The following SCN9A variants were observed in gnomAD, a reference collection of about 807,000 sequenced individuals.
SCN9A encodes the protein sodium channel protein type 9 subunit alpha.
SCN9A carries 131 observed loss-of-function variants against 187.0 expected under a neutral mutation model. The observed-to-expected ratio is 0.70, with a 90% CI of 0.61 to 0.81. The LOEUF (loss-of-function observed/expected upper bound fraction) is 0.81. Ranked by LOEUF, SCN9A falls within the 30% of genes least tolerant of loss-of-function variation. SCN9A has a pLI of 0.00. For synonymous variants in SCN9A, 809 were observed against 808.6 expected (o/e 1.00, Z -0.01); for missense variants, 2,252 against 2,396.6 (o/e 0.94, Z 1.26).
chr2:166,258,158 C>A (rs1248108394), intron 17 of SCN9A, among the ~76,000 whole-genome samples: 1 of 151,336 alleles, frequency 6.6e-6, no homozygotes, highest in Non-Finnish European at 1.5e-5. Context: ...GAGATTCCTG[C>A]CCCCATCCTA....
At position 166,281,826 on chromosome 2, in the gene SCN9A, T is replaced by G; in HGVS notation, c.1975-18A>C. 1 of 1,599,704 alleles carries G rather than the reference T, an allele frequency of 6.3e-7. No individual in the cohort carries two copies. The highest frequency in any genetic ancestry group is 8.5e-7 in the Non-Finnish European group (1 of 1,173,458). On this transcript the variant is annotated intron_variant, in intron 12 of 26. Coordinates refer to ENST00000642356, the MANE Select transcript of SCN9A (RefSeq NM_001365536.1). Reference sequence around the variant, plus strand: ...GTCGTGCCCTAAAAAAAAAATCAATTAATGTCTTAAGAACAGAATCCTAAT... The same window carrying G: ...GTCGTGCCCTAAAAAAAAAATCAATGAATGTCTTAAGAACAGAATCCTAAT...
chr2:166,349,504 C>T (rs1699982306), intron 1 of SCN9A, among the ~76,000 whole-genome samples: 1 of 152,256 alleles, frequency 6.6e-6, no homozygotes, highest in East Asian at 1.9e-4. Context: ...CTACTGTGTA[C>T]TTCCACTTCA....
intron 7 of SCN9A, among the ~76,000 whole-genome samples, chr2:166,296,934 A>G (rs927042961): frequency 6.6e-6 from 1 of 152,156 alleles, no homozygotes; most frequent in Non-Finnish European, 1.5e-5. Context: ...GCAGTGGCTC[A>G]CGCCTGTAAT....
intron 7 of SCN9A, 161 bp downstream of exon 7, chr2:166,302,929 T>A (rs938007943): frequency 1.0e-5 from 6 of 599,414 alleles, no homozygotes; most frequent in Non-Finnish European, 1.7e-5. Context: ...GGATGATTTA[T>A]GAAAATCATA....
At chr2:166,225,424 G>C (rs1367582874) in intron 24 of SCN9A, among the ~76,000 whole-genome samples, 2 of 152,092 alleles carry the variant, frequency 1.3e-5, no homozygotes, top group Non-Finnish European at 2.9e-5. Flanking sequence ...TTTGGGGATA[G>C]AGCATAGTAG....
At chr2:166,353,091 A>G (rs1306550361) in intron 1 of SCN9A, among the ~76,000 whole-genome samples, 1 of 151,524 alleles carries the variant, frequency 6.6e-6, no homozygotes, top group Non-Finnish European at 1.5e-5. Context: ...GTGGTGGCTA[A>G]TGTCTGTAAT....
intron 1 of SCN9A, among the ~76,000 whole-genome samples, chr2:166,346,504 A>C (rs745660727): frequency 5.9e-5 from 9 of 152,174 alleles, no homozygotes; most frequent in Non-Finnish European, 1.2e-4. Context: ...GAGCCGTCAA[A>C]GACACACAGA....
At chr2:166,243,811 G>A (rs1310599026) in intron 18 of SCN9A, among the ~76,000 whole-genome samples, 1 of 152,016 alleles carries the variant, frequency 6.6e-6, no homozygotes, top group Non-Finnish European at 1.5e-5. Flanking sequence ...AAATTGCAAT[G>A]TAAATAGATG....
chr2:166,296,008 T>C (rs1441235436), intron 7 of SCN9A: 1 of 152,192 alleles, frequency 6.6e-6, no homozygotes, highest in Admixed American at 6.5e-5. Context: ...GAACCTGACT[T>C]CCTATTTTAC....
chr2:166,244,021 T>G (rs1416096494), intron 18 of SCN9A, among the ~76,000 whole-genome samples: 2 of 151,972 alleles, frequency 1.3e-5, no homozygotes, highest in Admixed American at 6.6e-5. Context: ...TGATTGGATA[T>G]CAAATGTAAG....
chr2:166,282,839 T>C (rs908212897), intron 12 of SCN9A, among the ~76,000 whole-genome samples: 6 of 152,240 alleles, frequency 3.9e-5, no homozygotes, highest in Non-Finnish European at 7.4e-5. Context: ...GTCAACTTTT[T>C]GAAAAGTCTC....
intron 26 of SCN9A, 91 bp from the exon 27 acceptor site, chr2:166,199,955 T>C: frequency 1.6e-6 from 1 of 638,264 alleles, no homozygotes; most frequent in Non-Finnish European, 2.7e-6. Flanking sequence ...TGTCAACTCA[T>C]TTCTTATGAA....
At chr2:166,273,369 A>G (rs1402427620) in intron 16 of SCN9A, among the ~76,000 whole-genome samples, 4 of 152,194 alleles carry the variant, frequency 2.6e-5, no homozygotes, top group Non-Finnish European at 5.9e-5. Context: ...TGTTCTAACA[A>G]ATGGAACACA....
intron 7 of SCN9A, chr2:166,301,312 G>A (rs560764148): frequency 6.6e-6 from 1 of 150,850 alleles, no homozygotes; most frequent in South Asian, 2.1e-4. Flanking sequence ...AATCACAGCA[G>A]CTGAGCTTCA....
intron 24 of SCN9A, among the ~76,000 whole-genome samples, chr2:166,210,324 G>A (rs1046609609): frequency 6.6e-6 from 1 of 151,840 alleles, no homozygotes; most frequent in South Asian, 2.1e-4. Flanking sequence ...GGGGAGGAGG[G>A]GGATATACCT....
chr2:166,309,217 A>G (rs1316931470), intron 2 of SCN9A, among the ~76,000 whole-genome samples: 1 of 152,142 alleles, frequency 6.6e-6, no homozygotes, highest in Non-Finnish European at 1.5e-5. Flanking sequence ...AAAAATCACA[A>G]CATACTACAT....
At position 166,238,028 on chromosome 2, in the gene SCN9A, T is replaced by C. The variant is rs865906179; in HGVS notation, c.3801+66A>G. The stretch of plus-strand genomic sequence containing the variant: ...AAAATATGATAATATGCAATAGTGG[T>C]GAAGGTTTTTTCACAACACACAGTA... On this transcript the variant is annotated intron_variant, in intron 20 of 26. Transcript: ENST00000642356. 2.5e-5 allele frequency: 29 copies of C among 1,151,240 alleles called. No homozygotes were observed. The Middle Eastern group carries it at 8.4e-4, about 33-fold the overall frequency. The allele number at this position is 1,151,240 out of a possible 1,614,324, so 71.3% of individuals were successfully genotyped here. A position where few individuals can be genotyped will look rare whatever the true frequency, so the allele number is the denominator to read the frequency against.
chr2:166,277,295 C>T lies in SCN9A; in HGVS notation c.2562G>A (p.Met854Ile), dbSNP rs1559003142. The stretch of plus-strand genomic sequence containing the variant: ...CTGAGTTACCAATGATCTTAATCAG[C>T]ATGTTCAATGTTGGCCAGGATTTTG... ...KLAKSWPTLN[M>I]LIKIIGNSVG... The change falls in exon 16 of 27, where the codon ATG becomes ATA. Residue 854 changes from methionine to isoleucine, a missense_variant. This residue lies in a region of SCN9A where 119 missense variants were observed against 188.7 expected (regional missense o/e 0.63). Transcript: ENST00000642356. The T allele has an allele frequency of 6.2e-7, 1 of 1,613,350 alleles. No individual in the cohort carries two copies. Among genetic ancestry groups the T allele is most frequent in the African/African-American group, 1.3e-5 (1 of 75,016 alleles).
At position 166,277,317 on chromosome 2, in the gene SCN9A, T is replaced by C. The variant is rs780375747; in HGVS notation, c.2540A>G (p.Lys847Arg). The C allele has an allele frequency of 6.2e-7, 1 of 1,608,398 alleles. No individual in the cohort carries two copies. Among genetic ancestry groups the C allele is most frequent in the Admixed American group, 1.7e-5 (1 of 59,774 alleles). Reference sequence around the variant, plus strand: ...CAGCATGTTCAATGTTGGCCAGGATTTTGCCAACTTGAAGACTCGGAGCTA... The same window carrying C: ...CAGCATGTTCAATGTTGGCCAGGATCTTGCCAACTTGAAGACTCGGAGCTA... ...FRLLRVFKLAKSWPTLNMLIK... is the reference protein window; with the variant it reads ...FRLLRVFKLARSWPTLNMLIK... The change falls in exon 16 of 27, where the codon AAA becomes AGA. Residue 847 changes from lysine to arginine, a missense_variant. Transcript: ENST00000642356.
Sources: gnomAD v4.1 joint callset for allele counts (sites outside exome capture counted in the v4.1 genomes callset) on GRCh38, gnomAD v4.1.1 for gene constraint, gnomAD v4.1.1 regional missense constraint, MANE v1.5 for transcripts, NCBI Gene and HGNC (gene_info 2026-07-23, HGNC 2026-07-21) for gene names.